Variants in SNX25 observed in about 807,000 individuals in gnomAD.
SNX25 encodes the protein sorting nexin 25, also known as sorting nexin-25.
A neutral mutation model predicts 113.7 loss-of-function variants in SNX25; 62 were observed. The ratio of observed to expected loss-of-function variants is 0.55; its 90% CI spans 0.44 to 0.67. The LOEUF (loss-of-function observed/expected upper bound fraction) is 0.67, where lower values mean the gene tolerates loss of function less well. Among genes scored for constraint, SNX25 ranks in the 30% least tolerant of loss-of-function variants. SNX25 has a pLI of 0.00. For synonymous variants in SNX25, 421 were observed against 436.2 expected (o/e 0.97, Z 0.43); for missense variants, 1,014 against 1,161.0 (o/e 0.87, Z 1.84).
In SNX25 at chr4:185,319,052, CTTTCCCCTCCAGCCCACT is replaced by C. The variant is rs531887389; in HGVS notation, c.1345-1672_1345-1655del. 3.8e-4 allele frequency among the ~76,000 whole-genome samples: 57 copies of C among 151,394 alleles called. 1 individual carries two copies. The South Asian group carries it at 0.011, about 31-fold the overall frequency. ...ACACGTGGATTACCATACTCTCCTC[CTTTCCCCTCCAGCCCACT>C]TTTCCCCTTTATTTTATTTTATTTT... On this transcript the variant is annotated intron_variant, in intron 7 of 18. Transcript: ENST00000652585.
chr4:185,316,242 G>A (rs2095073389), intron 7 of SNX25, among the ~76,000 whole-genome samples: 1 of 152,150 alleles, frequency 6.6e-6, no homozygotes, highest in African/African-American at 2.4e-5. Context: ...ATTAGTTTTT[G>A]TTGTTGTCTT....
chr4:185,328,689 T>C (rs2095173079), intron 9 of SNX25, among the ~76,000 whole-genome samples: 1 of 152,136 alleles, frequency 6.6e-6, no homozygotes, highest in Admixed American at 6.5e-5. Flanking sequence ...GAGAGGGATT[T>C]TCAGAAAAAG....
upstream of SNX25, among the ~76,000 whole-genome samples, chr4:185,206,004 T>C (rs1324480809): frequency 6.6e-6 from 1 of 152,016 alleles, no homozygotes; most frequent in African/African-American, 2.4e-5. Flanking sequence ...GTCAAAAAAA[T>C]AGAAAATAAG....
chr4:185,273,930 C>G (rs2126568953), intron 5 of SNX25, among the ~76,000 whole-genome samples: 1 of 152,284 alleles, frequency 6.6e-6, no homozygotes, highest in South Asian at 2.1e-4. Context: ...TTCCAGCTCA[C>G]TGCTCTGCCA....
In SNX25 at chr4:185,363,305, C is replaced by T. The variant is rs951262853; in HGVS notation, c.2935-80C>T. 1.5e-6 allele frequency: 2 copies of T among 1,357,776 alleles called. No homozygotes were observed. The highest frequency in any genetic ancestry group is 2.9e-5 in the African/African-American group (2 of 68,494). 84.1% of individuals were successfully genotyped at this position (1,357,776 alleles called of 1,614,324 possible). On this transcript the variant is annotated intron_variant, in intron 18 of 18. Coordinates refer to ENST00000652585, the MANE Select transcript of SNX25 (RefSeq NM_001378034.2). This position sits in a 1 kb window ranked among gnomAD's most constrained non-coding sequence, Gnocchi z 4.2. ...ATTTCAGACCTAAAATTAGACTTTT[C>T]TCTTAGATGCAGATATTTATTTTGA...
chr4:185,261,980 G>A (rs956735684), intron 3 of SNX25, among the ~76,000 whole-genome samples: 2 of 152,086 alleles, frequency 1.3e-5, no homozygotes, highest in African/African-American at 4.8e-5. Context: ...CAATGAGACC[G>A]GCAGACAGTG....
chr4:185,258,096 A>G (rs190191156), intron 2 of SNX25, among the ~76,000 whole-genome samples: 185 of 152,342 alleles, frequency 1.2e-3, no homozygotes, highest in African/African-American at 4.2e-3. Flanking sequence ...TAGGACAGAA[A>G]AAATTTGGCA....
Position 185,318,712 on chromosome 4 carries a change from A to AT in SNX25, c.1345-2016dup, listed in dbSNP as rs751104050. Among the ~76,000 whole-genome samples the AT allele has an allele frequency of 1.2e-4, 19 of 152,154 alleles. 1 individual carries two copies. Among genetic ancestry groups the AT allele is most frequent in the Admixed American group, 3.3e-4 (5 of 15,272 alleles). On this transcript the variant is annotated intron_variant, in intron 7 of 18. Transcript: ENST00000652585. ...AATTTTTCCATTATTGGCACTTACT[A>AT]TTTTTAGCATAGAATGTGCATCCCA...
chr4:185,336,856 T>TG (rs1267854304), intron 10 of SNX25, among the ~76,000 whole-genome samples: 4 of 152,158 alleles, frequency 2.6e-5, no homozygotes, highest in Non-Finnish European at 4.4e-5. Context: ...TGGCCATTCT[T>TG]GCAGGAGTAA....
intron 5 of SNX25, among the ~76,000 whole-genome samples, chr4:185,282,428 C>G (rs959536883): frequency 7.2e-5 from 11 of 152,308 alleles, no homozygotes; most frequent in African/African-American, 2.6e-4. Context: ...CTCAGCCTCC[C>G]AAAGTGCTGG....
chr4:185,296,593 CAATT>C (rs1752870055), intron 6 of SNX25, among the ~76,000 whole-genome samples: 2 of 151,606 alleles, frequency 1.3e-5, no homozygotes, highest in Non-Finnish European at 2.9e-5. Flanking sequence ...AATTTTAATA[CAATT>C]AATTCTGGGG....
intron 16 of SNX25, among the ~76,000 whole-genome samples, chr4:185,358,236 G>A (rs2095347442): frequency 6.6e-6 from 1 of 151,950 alleles, no homozygotes; most frequent in Non-Finnish European, 1.5e-5. Flanking sequence ...TATCCACTGG[G>A]GTGTGTGTGT....
Position 185,298,751 on chromosome 4 carries a change from C to T in SNX25, c.1162+10669C>T, listed in dbSNP as rs111850738. The stretch of plus-strand genomic sequence containing the variant: ...TCTTCTTGAAGTGCTACCCTACTCT[C>T]GATATCACTCTGTCTAGATAACTCC... On this transcript the variant is annotated intron_variant, in intron 6 of 18. Transcript: ENST00000652585. 1.2e-4 allele frequency among the ~76,000 whole-genome samples: 18 copies of T among 152,220 alleles called. 1 individual carries two copies. The highest frequency in any genetic ancestry group is 3.1e-4 in the African/African-American group (13 of 41,554).
chr4:185,343,251 A>G (rs551752734), intron 12 of SNX25, among the ~76,000 whole-genome samples: 5 of 152,338 alleles, frequency 3.3e-5, no homozygotes, highest in Admixed American at 1.3e-4. Flanking sequence ...AACGAATACT[A>G]ATAGTGCCTA....
Position 185,255,227 on chromosome 4 carries a change from G to C in SNX25, c.515-3621G>C, listed in dbSNP as rs190122158. Among the ~76,000 whole-genome samples, 1,067 of 151,960 alleles carry C rather than the reference G, an allele frequency of 7.0e-3. 19 individuals carry two copies. Among genetic ancestry groups the C allele is most frequent in the African/African-American group, 0.024 (1,000 of 41,442 alleles). ...CGGCTCACTGCAACCTACGCCTCCT[G>C]GGTTCAAGTGATTCTCCTGTCTCAG... On this transcript the variant is annotated intron_variant, in intron 2 of 18. Transcript: ENST00000652585.
chr4:185,222,895 A>G (rs3112902), intron 1 of SNX25, among the ~76,000 whole-genome samples: 99,398 of 152,076 alleles, frequency 0.65, 32,589 homozygotes, highest in East Asian at 0.76. Context: ...AAAGGATATA[A>G]TAAATACTTT....
downstream of SNX25, chr4:185,370,679 G>A: frequency 6.2e-7 from 1 of 1,614,054 alleles, no homozygotes; most frequent in South Asian, 1.1e-5. Flanking sequence ...CATCCCTGGT[G>A]ATGCCCAAGC....
intron 1 of SNX25, among the ~76,000 whole-genome samples, chr4:185,243,632 A>G (rs988007756): frequency 6.6e-6 from 1 of 152,086 alleles, no homozygotes; most frequent in Non-Finnish European, 1.5e-5. Context: ...CTGAAACTCT[A>G]TACCCATTAA....
intron 9 of SNX25, among the ~76,000 whole-genome samples, chr4:185,332,087 T>G (rs184390164): frequency 8.4e-4 from 128 of 152,334 alleles, no homozygotes; most frequent in Non-Finnish European, 1.4e-3. Context: ...ACTTGTAAAA[T>G]AATATACCTA....
Sources: gnomAD v4.1 joint callset for allele counts (sites outside exome capture counted in the v4.1 genomes callset) on GRCh38, gnomAD v4.1.1 for gene constraint, Gnocchi (gnomAD v3.1) non-coding constraint, MANE v1.5 for transcripts, NCBI Gene and HGNC (gene_info 2026-07-23, HGNC 2026-07-21) for gene names.